The following HMBOX1 variants were observed in gnomAD, a reference collection of about 807,000 sequenced individuals.
HMBOX1 encodes homeobox-containing protein 1.
HMBOX1 carries 14 observed loss-of-function variants against 54.5 expected under a neutral mutation model. That is an observed-to-expected ratio of 0.26 (90% CI 0.17 to 0.40). The LOEUF (loss-of-function observed/expected upper bound fraction) is 0.40, where lower values mean the gene tolerates loss of function less well. Ranked by LOEUF, HMBOX1 falls within the 10% of genes least tolerant of loss-of-function variation. The pLI is 1.00. For synonymous variants in HMBOX1, 160 were observed against 181.0 expected, an observed-to-expected ratio of 0.88 and a Z score of 0.93; for missense variants, 332 against 514.4, an observed-to-expected ratio of 0.65 and a Z score of 3.43.
At chr8:28,919,884 G>T (rs1009624167) in intron 1 of HMBOX1, among the ~76,000 whole-genome samples, 1 of 152,052 alleles carries the variant, frequency 6.6e-6, no homozygotes, top group African/African-American at 2.4e-5. Flanking sequence ...ATACTCAAGA[G>T]ATCAGTGTTA....
intron 4 of HMBOX1, among the ~76,000 whole-genome samples, chr8:28,999,731 G>A (rs890549030): frequency 6.6e-6 from 1 of 151,608 alleles, no homozygotes; most frequent in African/African-American, 2.4e-5. Context: ...TTTCTATTTG[G>A]TTCTTATAAT....
Position 28,963,842 on chromosome 8 carries a change from G to T in HMBOX1, c.-26G>T. The T allele has an allele frequency of 6.3e-7, 1 of 1,584,452 alleles. No individual in the cohort carries two copies. Among genetic ancestry groups the T allele is most frequent in the Non-Finnish European group, 8.6e-7 (1 of 1,159,422 alleles). Reference sequence around the variant, plus strand: ...AGATAACGCAGATCATCTCTGGAAAGGATATTGATCCGCCTCATGTAAAGT... The same window carrying T: ...AGATAACGCAGATCATCTCTGGAAATGATATTGATCCGCCTCATGTAAAGT... On this transcript the variant is annotated 5_prime_UTR_variant, in exon 2 of 10. It adds an upstream start codon to the 5' untranslated region. Coordinates refer to ENST00000287701, the MANE Select transcript of HMBOX1 (RefSeq NM_001135726.3).
At chr8:28,990,222 A>G (rs951689953) in intron 4 of HMBOX1, among the ~76,000 whole-genome samples, 4 of 152,052 alleles carry the variant, frequency 2.6e-5, no homozygotes. Context: ...TCAATCTTGA[A>G]TAGAGTGACA....
intron 4 of HMBOX1, among the ~76,000 whole-genome samples, chr8:29,007,676 G>A (rs1377198550): frequency 6.6e-6 from 1 of 152,096 alleles, no homozygotes; most frequent in African/African-American, 2.4e-5. Context: ...AAATTAGCTG[G>A]ATGTGGTGGG....
intron 1 of HMBOX1, among the ~76,000 whole-genome samples, chr8:28,945,110 G>C (rs945058837): frequency 1.3e-5 from 2 of 152,182 alleles, no homozygotes; most frequent in African/African-American, 2.4e-5. Flanking sequence ...CCGTCCTTAA[G>C]AGGTTTCCCT....
At chr8:28,919,015 G>T (rs1817076009) in intron 1 of HMBOX1, among the ~76,000 whole-genome samples, 1 of 152,208 alleles carries the variant, frequency 6.6e-6, no homozygotes, top group South Asian at 2.1e-4. Flanking sequence ...AAACAGGGAA[G>T]TTCTTTTTCT....
In HMBOX1 at chr8:29,051,419, C is replaced by T. The variant is rs997319362; in HGVS notation, c.*264C>T. 4.7e-5 allele frequency: 31 copies of T among 659,098 alleles called. No individual in the cohort carries two copies. The highest frequency in any genetic ancestry group is 6.4e-5 in the Non-Finnish European group (23 of 359,902). 40.8% of individuals were successfully genotyped at this position (659,098 alleles called of 1,614,324 possible). ...CCGAGGCTAGAAAATCTTGCTGCTC[C>T]GTCTTAGCATTCCAAGAAAGTGCTT... On this transcript the variant is annotated 3_prime_UTR_variant, in exon 10 of 10. Transcript: ENST00000287701.
intron 1 of HMBOX1, among the ~76,000 whole-genome samples, chr8:28,929,571 C>CT (rs1017110153): frequency 6.6e-6 from 1 of 152,004 alleles, no homozygotes; most frequent in African/African-American, 2.4e-5. Context: ...CAAGGTCTGG[C>CT]TTTTACAGTG....
chr8:28,987,871 A>G (rs1830394217), intron 4 of HMBOX1, among the ~76,000 whole-genome samples: 1 of 152,182 alleles, frequency 6.6e-6, no homozygotes, highest in South Asian at 2.1e-4. Context: ...ATTTAACTAT[A>G]TCATTTGATT....
chr8:28,980,794 C>G (rs1485284809), intron 4 of HMBOX1, among the ~76,000 whole-genome samples: 1 of 152,010 alleles, frequency 6.6e-6, no homozygotes, highest in Non-Finnish European at 1.5e-5. Context: ...ATCTTCCTTT[C>G]TTAGATTTCA....
intron 1 of HMBOX1, among the ~76,000 whole-genome samples, chr8:28,956,316 T>C (rs943802388): frequency 1.3e-5 from 2 of 152,174 alleles, no homozygotes; most frequent in Admixed American, 1.3e-4. Flanking sequence ...TTTAACTGCT[T>C]AAGTTTTTTT....
chr8:29,027,187 G>T (rs1802188840), intron 6 of HMBOX1, among the ~76,000 whole-genome samples: 1 of 152,202 alleles, frequency 6.6e-6, no homozygotes, highest in Non-Finnish European at 1.5e-5. Context: ...TGTAGTGTAT[G>T]TCTGAAATAT....
At chr8:28,906,108 C>G (rs553011495) in intron 1 of HMBOX1, among the ~76,000 whole-genome samples, 1 of 152,202 alleles carries the variant, frequency 6.6e-6, no homozygotes, top group South Asian at 2.1e-4. Flanking sequence ...AATGAATTCT[C>G]TAGTAACCAA....
Position 28,963,310 on chromosome 8 carries a change from C to A in HMBOX1, c.-57-501C>A, listed in dbSNP as rs187430246. Among the ~76,000 whole-genome samples, 406 of 152,240 alleles carry A rather than the reference C, an allele frequency of 2.7e-3. 2 individuals are homozygous for A. The highest frequency in any genetic ancestry group is 9.3e-3 in the African/African-American group (387 of 41,550). On this transcript the variant is annotated intron_variant, in intron 1 of 9. Transcript: ENST00000287701. Reference sequence around the variant, plus strand: ...GTTTTTAAGTCAACAAGAAAATTATCTACAACAGGAACTTCATTAGTGCTA... The same window carrying A: ...GTTTTTAAGTCAACAAGAAAATTATATACAACAGGAACTTCATTAGTGCTA...
intron 4 of HMBOX1, among the ~76,000 whole-genome samples, chr8:28,983,924 G>GT (rs979635406): frequency 2.6e-5 from 4 of 152,090 alleles, no homozygotes; most frequent in Admixed American, 6.5e-5. Context: ...GAACTCCTAT[G>GT]TTTTTTGTGT....
chr8:29,009,762 CA>C, intron 5 of HMBOX1: 4 of 1,276,738 alleles, frequency 3.1e-6, no homozygotes, highest in Non-Finnish European at 4.1e-6. Context: ...ACTAAGATGA[CA>C]AAAAAATTTA....
At chr8:28,910,297 A>ATTT (rs1159205193) in intron 1 of HMBOX1, among the ~76,000 whole-genome samples, 1 of 152,112 alleles carries the variant, frequency 6.6e-6, no homozygotes, top group Non-Finnish European at 1.5e-5. Context: ...AAAATACCAC[A>ATTT]TTTTGTTTGT....
At chr8:29,037,431 TA>T (rs1241632668) in intron 6 of HMBOX1, among the ~76,000 whole-genome samples, 1 of 152,140 alleles carries the variant, frequency 6.6e-6, no homozygotes, top group Non-Finnish European at 1.5e-5. Context: ...TTCCAAATTA[TA>T]AAATTAGCAC....
At chr8:28,904,830 C>G (rs1046541387) in intron 1 of HMBOX1, among the ~76,000 whole-genome samples, 1 of 152,090 alleles carries the variant, frequency 6.6e-6, no homozygotes, top group Admixed American at 6.5e-5. Flanking sequence ...TGCCCACCAC[C>G]ACGCCCAACT....
Sources: allele counts gnomAD v4.1 joint callset (sites outside exome capture counted in the v4.1 genomes callset), GRCh38; gene constraint gnomAD v4.1.1; transcripts MANE v1.5; gene names NCBI Gene and HGNC (gene_info 2026-07-23, HGNC 2026-07-21).